The following PRKAR1A variants were observed in gnomAD, a reference collection of about 807,000 sequenced individuals.
PRKAR1A encodes the protein cAMP-dependent protein kinase type I-alpha regulatory subunit.
Under a neutral mutation model 52.0 loss-of-function variants are expected in PRKAR1A, and 3 were observed. That is an observed-to-expected ratio of 0.06 (90% confidence interval 0.03 to 0.15). The LOEUF (loss-of-function observed/expected upper bound fraction) is 0.15. Among genes scored for constraint, PRKAR1A ranks in the 10% least tolerant of loss-of-function variants. The pLI is 1.00. For missense variants in PRKAR1A, 240 were observed against 477.4 expected (o/e 0.50, Z 4.63); for synonymous variants, 188 against 168.4 (o/e 1.12, Z -0.90).
At chr17:68,428,581 A>T in the PRKAR1A span, 1 of 423,620 alleles carries the variant, frequency 2.4e-6, no homozygotes, top group Non-Finnish European at 4.4e-6. Context: ...CTGTGTTAGG[A>T]GCATAGGCTG....
chr17:68,450,539 AAACAACGTTAC>A, the PRKAR1A span, among the ~76,000 whole-genome samples: 1 of 152,224 alleles, frequency 6.6e-6, no homozygotes, highest in Admixed American at 6.5e-5. Flanking sequence ...GGTCTAGGGA[AAACAACGTTAC>A]AACCAGCACC....
chr17:68,480,156 TC>T, the PRKAR1A span, among the ~76,000 whole-genome samples: 1 of 152,258 alleles, frequency 6.6e-6, no homozygotes, highest in South Asian at 2.1e-4. Context: ...ATATAGCAGT[TC>T]TTTTAAATCC....
At chr17:68,501,871 C>T in the PRKAR1A span, among the ~76,000 whole-genome samples, 3 of 152,214 alleles carry the variant, frequency 2.0e-5, no homozygotes, top group Admixed American at 2.0e-4. Flanking sequence ...CTGCTTCTTC[C>T]TGTGTTCTCT....
At chr17:68,487,803 C>CA in the PRKAR1A span, among the ~76,000 whole-genome samples, 2,697 of 121,546 alleles carry the variant, frequency 0.022, 166 homozygotes, top group Admixed American at 0.16. Context: ...TCATCTCAGA[C>CA]AAAAAAAAAA....
chr17:68,537,050 G>A, downstream of PRKAR1A: 1 of 456,756 alleles, frequency 2.2e-6, no homozygotes, highest in Non-Finnish European at 4.4e-6. The surrounding 1 kb of genome is among the most constrained non-coding windows in gnomAD (Gnocchi z 4.2). Context: ...GCTTGTGATA[G>A]GCCAGGTGTT....
At chr17:68,529,474 T>C (rs2085897520) in intron 9 of PRKAR1A, among the ~76,000 whole-genome samples, 1 of 152,236 alleles carries the variant, frequency 6.6e-6, no homozygotes, top group Non-Finnish European at 1.5e-5. Context: ...TAGTTGCTAA[T>C]TGATTTTATT....
chr17:68,481,892 G>A, the PRKAR1A span, among the ~76,000 whole-genome samples: 1 of 152,336 alleles, frequency 6.6e-6, no homozygotes, highest in Non-Finnish European at 1.5e-5. Context: ...TTACGGAAAA[G>A]GAGACATATG....
At chr17:68,426,252 G>GGGGGGGGGGGGA in the PRKAR1A span, 1 of 828,186 alleles carries the variant, frequency 1.2e-6, no homozygotes, top group Non-Finnish European at 1.9e-6. Flanking sequence ...TGGGGAGCGG[G>GGGGGGGGGGGGA]GGCTCAAATA....
the PRKAR1A span, among the ~76,000 whole-genome samples, chr17:68,439,858 G>A: frequency 1.3e-5 from 2 of 152,130 alleles, no homozygotes; most frequent in African/African-American, 2.4e-5. Context: ...CCAAGCCTTC[G>A]TTTCTTACTT....
downstream of PRKAR1A, chr17:68,537,259 G>C (rs1359622726): frequency 1.4e-6 from 1 of 705,232 alleles, no homozygotes; most frequent in Non-Finnish European, 2.5e-6. This position sits in a 1 kb window ranked among gnomAD's most constrained non-coding sequence, Gnocchi z 4.2. Flanking sequence ...AGTGCTTTTT[G>C]GGAAAAACGG....
the PRKAR1A span, among the ~76,000 whole-genome samples, chr17:68,481,926 G>A: frequency 1.3e-5 from 2 of 152,182 alleles, no homozygotes; most frequent in Admixed American, 6.5e-5. Flanking sequence ...TGCTTGGTAC[G>A]TGCTAGGCAA....
chr17:68,541,126 C>T (rs957169153), intron 11 of PRKAR1A: 5 of 928,080 alleles, frequency 5.4e-6, no homozygotes, highest in Admixed American at 2.5e-5. Flanking sequence ...CGTAAGGCTG[C>T]ATATTCCGTG....
intron 11 of PRKAR1A, chr17:68,542,184 AGAG>A: frequency 6.2e-7 from 1 of 1,613,428 alleles, no homozygotes. Flanking sequence ...TGGGGAGGAG[AGAG>A]GAGGAGTAAG....
chr17:68,528,236 A>G (rs1366377991), intron 8 of PRKAR1A, among the ~76,000 whole-genome samples: 1 of 152,218 alleles, frequency 6.6e-6, no homozygotes, highest in Non-Finnish European at 1.5e-5. Flanking sequence ...AATTGAAGAT[A>G]TTCTTTTGTG....
chr17:68,539,208 G>T (rs1389323072), intron 11 of PRKAR1A: 4 of 812,718 alleles, frequency 4.9e-6, no homozygotes, highest in African/African-American at 3.4e-5. Flanking sequence ...GAAATAAGGT[G>T]ATTCATGTCA....
intron 11 of PRKAR1A, chr17:68,543,692 T>A: frequency 6.2e-7 from 1 of 1,614,028 alleles, no homozygotes; most frequent in South Asian, 1.1e-5. Flanking sequence ...GTAGAAGAAG[T>A]CCACTGGTGT....
the PRKAR1A span, among the ~76,000 whole-genome samples, chr17:68,491,574 CAGGAGGAAGT>C: frequency 6.6e-6 from 1 of 152,064 alleles, no homozygotes; most frequent in Admixed American, 6.6e-5. Flanking sequence ...GTGGAGGCTC[CAGGAGGAAGT>C]GGGAGGAAGT....
the PRKAR1A span, among the ~76,000 whole-genome samples, chr17:68,417,584 G>C: frequency 1.3e-5 from 2 of 151,848 alleles, no homozygotes; most frequent in South Asian, 2.1e-4. Context: ...CCCTACTCCT[G>C]GCACTGGTTC....
chr17:68,542,567 T>C (rs1190299495), intron 11 of PRKAR1A: 2 of 773,746 alleles, frequency 2.6e-6, no homozygotes, highest in Non-Finnish European at 4.6e-6. Flanking sequence ...GTCTTACAAC[T>C]TCATACGCCC....
Sources: allele counts gnomAD v4.1 joint callset (sites outside exome capture counted in the v4.1 genomes callset), GRCh38; gene constraint gnomAD v4.1.1; non-coding constraint Gnocchi (gnomAD v3.1); transcripts MANE v1.5; gene names NCBI Gene and HGNC (gene_info 2026-07-23, HGNC 2026-07-21).